The following ADAMTS3 variants were observed in gnomAD, a reference collection of about 807,000 sequenced individuals.
ADAMTS3 encodes ADAM metallopeptidase with thrombospondin type 1 motif 3.
ADAMTS3 carries 73 observed loss-of-function variants against 129.0 expected under a neutral mutation model. The ratio of observed to expected loss-of-function variants is 0.57; its 90% CI spans 0.47 to 0.69. The LOEUF (loss-of-function observed/expected upper bound fraction) is 0.69, where lower values mean the gene tolerates loss of function less well. Among genes scored for constraint, ADAMTS3 ranks in the 30% least tolerant of loss-of-function variants. The pLI, the probability that ADAMTS3 is intolerant of heterozygous loss-of-function variation, is 0.00. For missense variants in ADAMTS3, 1,457 were observed against 1,514.5 expected (o/e 0.96, Z 0.63); for synonymous variants, 477 against 510.8 (o/e 0.93, Z 0.89).
rs1413298210 is a variant in ADAMTS3 at position 72,290,840 on chromosome 4, A to T, written c.2931+15T>A. The stretch of plus-strand genomic sequence containing the variant: ...ACACACTTTACTTATGCATGCACGG[A>T]ATTCACACACCTACCTCACTCCAGG... On this transcript the variant is annotated intron_variant, in intron 20 of 21. Transcript: ENST00000286657. 6.2e-7 allele frequency: 1 copy of T among 1,612,698 alleles called. No homozygotes were observed. Among genetic ancestry groups the T allele is most frequent in the South Asian group, 1.1e-5 (1 of 91,028 alleles).
chr4:72,309,399 A>G lies in ADAMTS3; in HGVS notation c.2177T>C (p.Leu726Pro). Residue 726 changes from leucine to proline, a missense_variant and splice_region_variant, in exon 15 of 22, where the codon CTT becomes CCT. Leu to Pro is a moderately conservative substitution (Grantham distance 98). Transcript: ENST00000286657. ...ATCCATGAGAGACCTCATCTTACCAAGCTTCCTGGGAGTTCTGGTAAATGT... is the reference window on the plus strand; with the variant it reads ...ATCCATGAGAGACCTCATCTTACCAGGCTTCCTGGGAGTTCTGGTAAATGT... ...KGTFTRTPRKLGYLKMFDIPP... is the reference protein window; with the variant it reads ...KGTFTRTPRKPGYLKMFDIPP... 1.2e-6 allele frequency: 2 copies of G among 1,611,576 alleles called. No homozygotes were observed. The highest frequency in any genetic ancestry group is 1.7e-6 in the Non-Finnish European group (2 of 1,178,236).
chr4:72,300,259 A>C (rs1718916011), intron 17 of ADAMTS3, among the ~76,000 whole-genome samples: 1 of 152,030 alleles, frequency 6.6e-6, no homozygotes, highest in Non-Finnish European at 1.5e-5. Context: ...ATGATAGAAC[A>C]TTGCTTGTCT....
At chr4:72,353,395 G>A (rs532680986) in intron 4 of ADAMTS3, among the ~76,000 whole-genome samples, 1 of 151,972 alleles carries the variant, frequency 6.6e-6, no homozygotes, top group African/African-American at 2.4e-5. Context: ...GGCAAATATG[G>A]TTATGGAGAC....
At chr4:72,520,916 A>G (rs1340858408) in intron 3 of ADAMTS3, among the ~76,000 whole-genome samples, 1 of 151,896 alleles carries the variant, frequency 6.6e-6, no homozygotes, top group Non-Finnish European at 1.5e-5. Flanking sequence ...AAATGCAGAA[A>G]TCACCCGTCT....
At chr4:72,523,472 A>T (rs1720727401) in intron 3 of ADAMTS3, among the ~76,000 whole-genome samples, 1 of 152,128 alleles carries the variant, frequency 6.6e-6, no homozygotes, top group South Asian at 2.1e-4. Context: ...AATGTCACTC[A>T]AATTAAAATG....
chr4:72,479,889 T>C (rs1248343236), intron 3 of ADAMTS3, among the ~76,000 whole-genome samples: 1 of 152,116 alleles, frequency 6.6e-6, no homozygotes, highest in Non-Finnish European at 1.5e-5. Flanking sequence ...GCAAAGGATA[T>C]GAACAGACAC....
chr4:72,302,084 G>C (rs971030000), intron 17 of ADAMTS3, among the ~76,000 whole-genome samples: 5 of 151,930 alleles, frequency 3.3e-5, no homozygotes, highest in African/African-American at 1.2e-4. Flanking sequence ...AATAAAACTA[G>C]GCCTTAAAGG....
intron 3 of ADAMTS3, among the ~76,000 whole-genome samples, chr4:72,474,457 C>A (rs1207899373): frequency 6.6e-6 from 1 of 151,816 alleles, no homozygotes; most frequent in African/African-American, 2.4e-5. Context: ...AATAAATGGA[C>A]AGAGAAAAGA....
intron 3 of ADAMTS3, among the ~76,000 whole-genome samples, chr4:72,538,837 T>G (rs1236317360): frequency 6.6e-5 from 10 of 152,202 alleles, no homozygotes; most frequent in African/African-American, 2.4e-4. Flanking sequence ...TGGAATAGAA[T>G]AGAAAGTCCA....
chr4:72,550,045 G>GAAGAAGAAGAAGAA (rs1491279074), intron 2 of ADAMTS3, among the ~76,000 whole-genome samples: 1 of 4,858 alleles, frequency 2.1e-4, no homozygotes, highest in Non-Finnish European at 6.2e-4. Flanking sequence ...AAGAAGAAGA[G>GAAGAAGAAGAAGAA]GAAGAGGAAG....
intron 4 of ADAMTS3, among the ~76,000 whole-genome samples, chr4:72,368,614 C>G (rs72863714): frequency 0.066 from 9,993 of 152,156 alleles, 1,142 homozygotes; most frequent in African/African-American, 0.23. Flanking sequence ...AAATGAATAT[C>G]ATGGTTCTGA....
chr4:72,379,436 TG>T (rs1198165869), intron 4 of ADAMTS3, among the ~76,000 whole-genome samples: 112 of 86,812 alleles, frequency 1.3e-3, no homozygotes, highest in African/African-American at 4.6e-3. Flanking sequence ...ATAAACAGTT[TG>T]AAAAAAAAAA....
intron 5 of ADAMTS3, among the ~76,000 whole-genome samples, chr4:72,332,849 C>T (rs1372951986): frequency 6.6e-6 from 1 of 152,126 alleles, no homozygotes; most frequent in Non-Finnish European, 1.5e-5. Context: ...ATTTCAATGA[C>T]TTGAATCGTA....
At chr4:72,337,470 C>CA (rs35750155) in intron 5 of ADAMTS3, among the ~76,000 whole-genome samples, 4 of 151,836 alleles carry the variant, frequency 2.6e-5, no homozygotes, top group African/African-American at 9.7e-5. Context: ...ACAAGGCAAA[C>CA]AAAAAAACAA....
intron 4 of ADAMTS3, among the ~76,000 whole-genome samples, chr4:72,369,692 T>C (rs975997255): frequency 8.6e-5 from 12 of 138,926 alleles, no homozygotes; most frequent in African/African-American, 8.2e-5. Context: ...GCCTGGGCGA[T>C]AGAGTGAGAC....
chr4:72,470,196 C>T (rs972410129), intron 3 of ADAMTS3, among the ~76,000 whole-genome samples: 3 of 151,830 alleles, frequency 2.0e-5, no homozygotes, highest in African/African-American at 7.3e-5. Context: ...CATTCTGAAT[C>T]GGGATTCTAG....
At chr4:72,483,718 C>T (rs1396888991) in intron 3 of ADAMTS3, among the ~76,000 whole-genome samples, 1 of 152,102 alleles carries the variant, frequency 6.6e-6, no homozygotes, top group Non-Finnish European at 1.5e-5. Context: ...ATACCCAAAC[C>T]TTCATTAAGA....
At chr4:72,493,465 CAACTT>C (rs1719797370) in intron 3 of ADAMTS3, among the ~76,000 whole-genome samples, 1 of 151,948 alleles carries the variant, frequency 6.6e-6, no homozygotes. Context: ...AAGTTGATAA[CAACTT>C]AACTCTAATC....
At chr4:72,403,423 G>A (rs1721974217) in intron 4 of ADAMTS3, among the ~76,000 whole-genome samples, 1 of 150,398 alleles carries the variant, frequency 6.6e-6, no homozygotes, top group Non-Finnish European at 1.5e-5. Flanking sequence ...AAAATTCTGT[G>A]GAATTTGGGA....
Sources: gnomAD v4.1 joint callset for allele counts (sites outside exome capture counted in the v4.1 genomes callset) on GRCh38, gnomAD v4.1.1 for gene constraint, MANE v1.5 for transcripts, NCBI Gene and HGNC (gene_info 2026-07-23, HGNC 2026-07-21) for gene names.